ACAP2: variants seen among roughly 807,000 people sequenced by gnomAD.
ACAP2 encodes ArfGAP with coiled-coil, ankyrin repeat and PH domains 2.
Under a neutral mutation model 115.8 loss-of-function variants are expected in ACAP2, and 39 were observed. That is an observed-to-expected ratio of 0.34 (90% CI 0.26 to 0.44). The LOEUF is 0.44. Ranked by LOEUF, ACAP2 falls within the 20% of genes least tolerant of loss-of-function variation. The pLI is 1.00. For missense variants in ACAP2, 662 were observed against 927.6 expected, an observed-to-expected ratio of 0.71 and a Z score of 3.72; for synonymous variants, 289 against 315.8, an observed-to-expected ratio of 0.92 and a Z score of 0.90.
chr3:195,290,369 C>T (rs1389036601), intron 20 of ACAP2, among the ~76,000 whole-genome samples: 1 of 151,952 alleles, frequency 6.6e-6, no homozygotes, highest in Admixed American at 6.6e-5. Flanking sequence ...CATAGTGAGA[C>T]TCCCATCTCT....
In ACAP2 at chr3:195,275,226, G is replaced by C. The variant is rs1015657375; in HGVS notation, c.*4102C>G. On this transcript the variant is annotated 3_prime_UTR_variant, in exon 23 of 23. Transcript: ENST00000326793. ...AAGTTAGCAAATAAGATAGTGAAAA[G>C]ACCAATGCAGAGAAAAGTTTATGTA... 6.6e-6 allele frequency: 1 copy of C among 152,418 alleles called. No homozygotes were observed. The highest frequency in any genetic ancestry group is 2.4e-5 in the African/African-American group (1 of 41,448). The allele number at this position is 152,418 out of a possible 1,614,324, so 9.4% of individuals were successfully genotyped here.
At position 195,336,920 on chromosome 3, in the gene ACAP2, T is replaced by C; in HGVS notation, c.573+12A>G. ...TAAAATATTTAAAACATCATTTCAA[T>C]TAATGTCTTACTGATTTTAGGATTT... On this transcript the variant is annotated intron_variant, in intron 7 of 22. Coordinates refer to ENST00000326793, the MANE Select transcript of ACAP2 (RefSeq NM_012287.6). 6.3e-7 allele frequency: 1 copy of C among 1,580,198 alleles called. No homozygotes were observed. Among genetic ancestry groups the C allele is most frequent in the Non-Finnish European group, 8.7e-7 (1 of 1,152,602 alleles).
At chr3:195,424,281 ATATTTTTT>A (rs1229101773) in intron 1 of ACAP2, among the ~76,000 whole-genome samples, 1 of 49,386 alleles carries the variant, frequency 2.0e-5, no homozygotes, top group African/African-American at 7.4e-5. Context: ...ATATATATAT[ATATTTTTT>A]TTTTTTTTTT....
intron 1 of ACAP2, among the ~76,000 whole-genome samples, chr3:195,411,179 G>A (rs997232579): frequency 1.3e-5 from 2 of 152,160 alleles, no homozygotes; most frequent in African/African-American, 4.8e-5. Flanking sequence ...CGCACTGTTG[G>A]TGGGAATGTA....
In ACAP2 at chr3:195,364,527, C is replaced by T. The variant is rs1184313858; in HGVS notation, c.285+16482G>A. ...TGGAGGTTGCAGTAAACTGACACCCCGCCACTCTACTCCAGCCTGGGTGAC... is the reference window on the plus strand; with the variant it reads ...TGGAGGTTGCAGTAAACTGACACCCTGCCACTCTACTCCAGCCTGGGTGAC... On this transcript the variant is annotated intron_variant, in intron 4 of 22. Transcript: ENST00000326793. Among the ~76,000 whole-genome samples, 3 of 152,088 alleles carry T rather than the reference C, an allele frequency of 2.0e-5. No homozygotes were observed. In the East Asian group the frequency reaches 5.8e-4, roughly 29 times the overall value.
intron 1 of ACAP2, among the ~76,000 whole-genome samples, chr3:195,394,242 C>T (rs1212652676): frequency 6.6e-6 from 1 of 152,094 alleles, no homozygotes; most frequent in African/African-American, 2.4e-5. Flanking sequence ...TCTCAGTTCC[C>T]CATAGCAGTA....
chr3:195,338,222 C>G (rs1286851977), intron 6 of ACAP2, among the ~76,000 whole-genome samples: 1 of 152,170 alleles, frequency 6.6e-6, no homozygotes, highest in East Asian at 1.9e-4. Flanking sequence ...AGACCAGGGT[C>G]TTTGCCTTAT....
chr3:195,331,469 C>G (rs1451530692), intron 8 of ACAP2, among the ~76,000 whole-genome samples: 1 of 151,792 alleles, frequency 6.6e-6, no homozygotes, highest in African/African-American at 2.4e-5. Flanking sequence ...TATGCCACCA[C>G]GCCTGGATAA....
intron 2 of ACAP2, among the ~76,000 whole-genome samples, chr3:195,386,457 C>T (rs1349189123): frequency 2.0e-5 from 3 of 152,062 alleles, no homozygotes; most frequent in African/African-American, 7.2e-5. Flanking sequence ...ATTATCTGAG[C>T]AGCCATAAAA....
At chr3:195,441,418 G>C (rs1312705236) in intron 1 of ACAP2, among the ~76,000 whole-genome samples, 1 of 152,172 alleles carries the variant, frequency 6.6e-6, no homozygotes, top group East Asian at 1.9e-4. Flanking sequence ...GCTATCAAAG[G>C]AAGTGGGTTT....
At chr3:195,349,158 A>C (rs528863452) in intron 4 of ACAP2, among the ~76,000 whole-genome samples, 2 of 152,210 alleles carry the variant, frequency 1.3e-5, no homozygotes, top group Non-Finnish European at 2.9e-5. Flanking sequence ...TTCTAAGACC[A>C]GCAATGAACA....
rs550156906 is a variant in ACAP2 at position 195,408,357 on chromosome 3, G to A, written c.54-16210C>T. Among the ~76,000 whole-genome samples the A allele has an allele frequency of 4.3e-4, 65 of 152,242 alleles. No homozygotes were observed. In the Middle Eastern group the frequency reaches 0.017, roughly 40 times the overall value. On this transcript the variant is annotated intron_variant, in intron 1 of 22. Transcript: ENST00000326793. ...CTCACACCTGTAGTCACAGCTACACGGGAGGCTGAGGCACAAAAATCACTT... is the reference window on the plus strand; with the variant it reads ...CTCACACCTGTAGTCACAGCTACACAGGAGGCTGAGGCACAAAAATCACTT...
At chr3:195,433,883 T>C (rs1358106231) in intron 1 of ACAP2, among the ~76,000 whole-genome samples, 1 of 152,170 alleles carries the variant, frequency 6.6e-6, no homozygotes, top group African/African-American at 2.4e-5. Flanking sequence ...TCTGCATTCA[T>C]AAGGAATACT....
chr3:195,335,291 C>A (rs1730430170), intron 7 of ACAP2, among the ~76,000 whole-genome samples: 1 of 152,072 alleles, frequency 6.6e-6, no homozygotes, highest in Non-Finnish European at 1.5e-5. Flanking sequence ...CATGTGCCAA[C>A]CCCTAGAATA....
intron 18 of ACAP2, among the ~76,000 whole-genome samples, chr3:195,294,471 G>C (rs1329674341): frequency 1.3e-5 from 2 of 151,072 alleles, no homozygotes; most frequent in Admixed American, 1.3e-4. Context: ...CCAGCTACTC[G>C]GGAGGCTGAG....
At chr3:195,384,161 T>G (rs1330522130) in intron 2 of ACAP2, among the ~76,000 whole-genome samples, 1 of 152,196 alleles carries the variant, frequency 6.6e-6, no homozygotes, top group Admixed American at 6.5e-5. Flanking sequence ...ATAGGCCATA[T>G]GACACATGTA....
intron 4 of ACAP2, among the ~76,000 whole-genome samples, chr3:195,363,855 A>T (rs1366651049): frequency 6.6e-6 from 1 of 152,222 alleles, no homozygotes; most frequent in Non-Finnish European, 1.5e-5. Context: ...TGCCAAGAAC[A>T]TGCAACAGGG....
In ACAP2 at chr3:195,382,037, A is replaced by C. The variant is rs780673068; in HGVS notation, c.112-15T>G. ...AGTTTCACAAGCTGAAAAAGAAAAA[A>C]AAAATTCATCAGGTTGAAGATAGTT... is the stretch of plus-strand genomic sequence containing the variant. On this transcript the variant is annotated splice_polypyrimidine_tract_variant and intron_variant, in intron 2 of 22. Transcript: ENST00000326793. 2.7e-5 allele frequency: 44 copies of C among 1,600,978 alleles called. No individual in the cohort carries two copies. Among genetic ancestry groups the C allele is most frequent in the Non-Finnish European group, 3.3e-5 (39 of 1,175,890 alleles).
Position 195,369,524 on chromosome 3 carries a change from G to C in ACAP2, c.285+11485C>G, listed in dbSNP as rs139949607. Among the ~76,000 whole-genome samples, 155 of 152,200 alleles carry C rather than the reference G, an allele frequency of 1.0e-3. 1 individual carries two copies. Among genetic ancestry groups the C allele is most frequent in the African/African-American group, 3.7e-3 (153 of 41,544 alleles). On this transcript the variant is annotated intron_variant, in intron 4 of 22. Coordinates refer to ENST00000326793, the MANE Select transcript of ACAP2 (RefSeq NM_012287.6). ...TACAAGTGAGAACATGTGGTATTTG[G>C]TTTTCTGTTCCTATGTTAGTTTGGA...
Sources: gnomAD v4.1 joint callset for allele counts (sites outside exome capture counted in the v4.1 genomes callset) on GRCh38, gnomAD v4.1.1 for gene constraint, MANE v1.5 for transcripts, NCBI Gene and HGNC (gene_info 2026-07-23, HGNC 2026-07-21) for gene names.